CDYL: variants seen among roughly 807,000 people sequenced by gnomAD.
CDYL encodes chromodomain Y like.
In CDYL, 8 loss-of-function variants were observed where a neutral mutation model predicts 47.3. That is an observed-to-expected ratio of 0.17 (90% CI 0.10 to 0.31). The LOEUF (loss-of-function observed/expected upper bound fraction) is 0.31. Ranked by LOEUF, CDYL falls within the 10% of genes least tolerant of loss-of-function variation. CDYL has a pLI of 1.00. For missense variants in CDYL, 471 were observed against 701.4 expected (o/e 0.67, Z 3.71); for synonymous variants, 266 against 265.0 (o/e 1.00, Z -0.04).
chr6:4,886,272 C>T (rs1239385804), intron 1 of CDYL, among the ~76,000 whole-genome samples: 3 of 152,144 alleles, frequency 2.0e-5, no homozygotes, highest in African/African-American at 7.2e-5. Flanking sequence ...AGTGGAGTTG[C>T]TGGGTCATAT....
intron 2 of CDYL, among the ~76,000 whole-genome samples, chr6:4,899,746 G>A (rs889190173): frequency 2.6e-5 from 4 of 152,146 alleles, no homozygotes; most frequent in Non-Finnish European, 4.4e-5. Flanking sequence ...TTCAAAAGTG[G>A]CATATTTTAG....
At chr6:4,756,580 A>C (rs4053259) in intron 3 of CDYL, among the ~76,000 whole-genome samples, 18,162 of 142,862 alleles carry the variant, frequency 0.13, 1,292 homozygotes, top group African/African-American at 0.2. Flanking sequence ...TATCGTGTGT[A>C]TGTGTGTGTG....
intron 1 of CDYL, among the ~76,000 whole-genome samples, chr6:4,843,509 CT>C (rs869211505): frequency 0.046 from 6,026 of 130,308 alleles, 386 homozygotes; most frequent in African/African-American, 0.15. Flanking sequence ...GAGGCTTTTT[CT>C]TTTTTTTTTT....
At chr6:4,735,212 G>A (rs1459041169) in intron 3 of CDYL, among the ~76,000 whole-genome samples, 2 of 151,988 alleles carry the variant, frequency 1.3e-5, no homozygotes, top group African/African-American at 4.8e-5. Context: ...CTTGAACCCG[G>A]GAGATGGAGG....
intron 1 of CDYL, among the ~76,000 whole-genome samples, chr6:4,795,515 A>G (rs1759046230): frequency 6.6e-6 from 1 of 151,992 alleles, no homozygotes; most frequent in South Asian, 2.1e-4. Flanking sequence ...GCCTTTTAGG[A>G]TGGAAGGTGA....
At chr6:4,845,917 G>T (rs1322811103) in intron 1 of CDYL, among the ~76,000 whole-genome samples, 2 of 152,044 alleles carry the variant, frequency 1.3e-5, no homozygotes, top group Non-Finnish European at 2.9e-5. Context: ...AACTACTAAC[G>T]GAACTGATCT....
chr6:4,718,940 TCAGA>T (rs1271703763), intron 2 of CDYL, among the ~76,000 whole-genome samples: 92 of 152,172 alleles, frequency 6.0e-4, no homozygotes, highest in African/African-American at 1.9e-3. Flanking sequence ...TTCTTTCTTT[TCAGA>T]CAGAGTTTTG....
chr6:4,873,586 TAAATC>T (rs1761533590), intron 1 of CDYL, among the ~76,000 whole-genome samples: 2 of 152,198 alleles, frequency 1.3e-5, no homozygotes, highest in African/African-American at 2.4e-5. Flanking sequence ...GTTAATAACT[TAAATC>T]ATAGCATTTC....
At chr6:4,874,318 G>A (rs1400469572) in intron 1 of CDYL, among the ~76,000 whole-genome samples, 1 of 152,084 alleles carries the variant, frequency 6.6e-6, no homozygotes. Context: ...TTATTTCATA[G>A]CGTTTCTTTT....
At chr6:4,848,920 G>GTTTAC (rs1760743228) in intron 1 of CDYL, among the ~76,000 whole-genome samples, 1 of 152,176 alleles carries the variant, frequency 6.6e-6, no homozygotes, top group African/African-American at 2.4e-5. Flanking sequence ...AGCTTATCTT[G>GTTTAC]TTTACTTTGT....
intron 1 of CDYL, among the ~76,000 whole-genome samples, chr6:4,864,318 G>A (rs1406434710): frequency 6.6e-6 from 1 of 152,184 alleles, no homozygotes; most frequent in African/African-American, 2.4e-5. Flanking sequence ...ATGGGAGATG[G>A]CAGGTATGTC....
At chr6:4,905,508 G>GCTC (rs1757208714) in intron 2 of CDYL, among the ~76,000 whole-genome samples, 2 of 152,220 alleles carry the variant, frequency 1.3e-5, no homozygotes, top group Non-Finnish European at 1.5e-5. Context: ...CGCAGGGGCA[G>GCTC]TGGGGGGATA....
chr6:4,922,324 C>T (rs898936941), intron 2 of CDYL, among the ~76,000 whole-genome samples: 1 of 152,178 alleles, frequency 6.6e-6, no homozygotes, highest in African/African-American at 2.4e-5. Flanking sequence ...ACTGGGATTT[C>T]CCCTCTTGCT....
intron 1 of CDYL, among the ~76,000 whole-genome samples, chr6:4,800,381 C>G (rs1194419858): frequency 6.6e-6 from 1 of 152,144 alleles, no homozygotes; most frequent in Non-Finnish European, 1.5e-5. Flanking sequence ...TCCAGTTCCA[C>G]TACTTATCCT....
At chr6:4,893,414 C>T (rs377044661) in intron 2 of CDYL, among the ~76,000 whole-genome samples, 7 of 152,188 alleles carry the variant, frequency 4.6e-5, no homozygotes, top group Non-Finnish European at 8.8e-5. Context: ...TCTCTTTAGC[C>T]GGGCGTGGTG....
chr6:4,945,633 C>G (rs1338956106), intron 5 of CDYL, among the ~76,000 whole-genome samples: 2 of 152,254 alleles, frequency 1.3e-5, no homozygotes, highest in Non-Finnish European at 2.9e-5. Flanking sequence ...ATCCCATTTC[C>G]CAGGCCACGT....
chr6:4,901,316 T>C (rs890972258), intron 2 of CDYL, among the ~76,000 whole-genome samples: 3 of 152,178 alleles, frequency 2.0e-5, no homozygotes, highest in Non-Finnish European at 4.4e-5. Flanking sequence ...TTAAGCCCTG[T>C]TACAAATCCT....
chr6:4,783,325 A>G (rs1758667927), intron 1 of CDYL, among the ~76,000 whole-genome samples: 1 of 151,928 alleles, frequency 6.6e-6, no homozygotes, highest in Non-Finnish European at 1.5e-5. Context: ...ATAGTATTTC[A>G]AATAAAACCA....
intron 2 of CDYL, among the ~76,000 whole-genome samples, chr6:4,893,072 C>T (rs569449123): frequency 6.6e-6 from 1 of 152,382 alleles, no homozygotes; most frequent in South Asian, 2.1e-4. Flanking sequence ...TCACTTGCCA[C>T]ACTGTGCCGG....
Sources: gnomAD v4.1 joint callset for allele counts (sites outside exome capture counted in the v4.1 genomes callset) on GRCh38, gnomAD v4.1.1 for gene constraint, MANE v1.5 for transcripts, NCBI Gene and HGNC (gene_info 2026-07-23, HGNC 2026-07-21) for gene names.